Variants in ELOVL7 observed in about 807,000 individuals in gnomAD.
The protein encoded by ELOVL7 is very long chain fatty acid elongase 7.
ELOVL7 carries 27 observed loss-of-function variants against 35.7 expected under a neutral mutation model. The ratio of observed to expected loss-of-function variants is 0.76; its 90% CI spans 0.56 to 1.04. ELOVL7 has a LOEUF of 1.04. ELOVL7 is among the 50% of genes least tolerant of loss of function. The pLI, the probability that ELOVL7 is intolerant of heterozygous loss-of-function variation, is 0.00. For synonymous variants in ELOVL7, 113 were observed against 114.6 expected, an observed-to-expected ratio of 0.99 and a Z score of 0.09; for missense variants, 327 against 340.8, an observed-to-expected ratio of 0.96 and a Z score of 0.32.
intron 2 of ELOVL7, among the ~76,000 whole-genome samples, chr5:60,795,853 G>C (rs552547373): frequency 0.015 from 2,213 of 151,952 alleles, 60 homozygotes; most frequent in African/African-American, 0.051. Flanking sequence ...TAAAAGAGCT[G>C]TAACACTCAC....
intron 7 of ELOVL7, among the ~76,000 whole-genome samples, chr5:60,760,086 C>T (rs141984768): frequency 0.17 from 25,178 of 152,060 alleles, 2,222 homozygotes; most frequent in South Asian, 0.3. Context: ...GTGAATAGTG[C>T]CGCAATAAAC....
At chr5:60,830,431 G>T (rs1746414857) in intron 1 of ELOVL7, among the ~76,000 whole-genome samples, 1 of 152,142 alleles carries the variant, frequency 6.6e-6, no homozygotes, top group African/African-American at 2.4e-5. Context: ...TGGGGAGGAT[G>T]TGGCAGCTGA....
chr5:60,817,719 T>C (rs62372071), intron 1 of ELOVL7, among the ~76,000 whole-genome samples: 1 of 71,672 alleles, frequency 1.4e-5, no homozygotes, highest in East Asian at 1.9e-3. Context: ...TATATACACA[T>C]ATGTATATAC....
chr5:60,792,561 A>G (rs1744002297), intron 2 of ELOVL7, among the ~76,000 whole-genome samples: 1 of 152,136 alleles, frequency 6.6e-6, no homozygotes, highest in Admixed American at 6.5e-5. Context: ...TTGCTAGACA[A>G]TGGGCACATA....
At chr5:60,773,849 G>A (rs551186223) in intron 3 of ELOVL7, among the ~76,000 whole-genome samples, 21 of 152,250 alleles carry the variant, frequency 1.4e-4, no homozygotes, top group Non-Finnish European at 2.1e-4. Context: ...CAAACAGGTT[G>A]CATTACTGCA....
chr5:60,754,401 A>G lies in ELOVL7; in HGVS notation c.*223T>C. 1 of 520,034 alleles carries G rather than the reference A, an allele frequency of 1.9e-6. No individual in the cohort carries two copies. 32.2% of individuals were successfully genotyped at this position (520,034 alleles called of 1,614,324 possible). On this transcript the variant is annotated 3_prime_UTR_variant, in exon 9 of 9. Transcript: ENST00000508821. The stretch of plus-strand genomic sequence containing the variant: ...TAGGTTTAAAAGCAGCTAAAAAAAC[A>G]AAAACAAAAACAAAAACAAATTCTG...
At chr5:60,759,040 T>C (rs1221382271) in intron 7 of ELOVL7, among the ~76,000 whole-genome samples, 18 of 152,170 alleles carry the variant, frequency 1.2e-4, no homozygotes, top group Admixed American at 1.2e-3. Flanking sequence ...TGTTACACAG[T>C]AGAAATTGCT....
chr5:60,790,137 C>G (rs1018042365), intron 2 of ELOVL7, among the ~76,000 whole-genome samples: 6 of 150,056 alleles, frequency 4.0e-5, no homozygotes, highest in African/African-American at 1.5e-4. Flanking sequence ...GACACTACCT[C>G]AAAAAGAAAA....
chr5:60,772,790 C>T (rs1485944641), intron 3 of ELOVL7, among the ~76,000 whole-genome samples: 1 of 152,126 alleles, frequency 6.6e-6, no homozygotes, highest in Non-Finnish European at 1.5e-5. Context: ...CAGCAACATC[C>T]CACCATGTGT....
At chr5:60,781,539 C>T (rs567435821) in intron 3 of ELOVL7, among the ~76,000 whole-genome samples, 26 of 152,264 alleles carry the variant, frequency 1.7e-4, no homozygotes, top group Admixed American at 5.2e-4. Flanking sequence ...GCATGCTGGG[C>T]TGGCTCAGGA....
chr5:60,794,267 T>C (rs916966445), intron 2 of ELOVL7, among the ~76,000 whole-genome samples: 2 of 152,240 alleles, frequency 1.3e-5, no homozygotes, highest in Non-Finnish European at 2.9e-5. Flanking sequence ...ACATGAGAAA[T>C]GCGCCTTCTT....
At chr5:60,802,868 T>C (rs376935179) in intron 1 of ELOVL7, among the ~76,000 whole-genome samples, 52 of 152,302 alleles carry the variant, frequency 3.4e-4, no homozygotes, top group African/African-American at 1.1e-3. Context: ...TCATAATGGC[T>C]TAACCAGTAA....
Position 60,839,021 on chromosome 5 carries a change from CA to C in ELOVL7, c.-86+5138del, listed in dbSNP as rs34113793. ...CCAGGCGACAAGAACAAAACAGTGTCAAAAAAAAATATATATATATATATAT... is the reference window on the plus strand; with the variant it reads ...CCAGGCGACAAGAACAAAACAGTGTCAAAAAAAATATATATATATATATAT... On this transcript the variant is annotated intron_variant, in intron 1 of 8. Transcript: ENST00000508821. 5.8e-4 allele frequency among the ~76,000 whole-genome samples: 85 copies of C among 146,324 alleles called. 1 individual carries two copies. In the South Asian group the frequency reaches 0.017, roughly 29 times the overall value.
chr5:60,804,090 C>A (rs1744794282), intron 1 of ELOVL7, among the ~76,000 whole-genome samples: 1 of 152,184 alleles, frequency 6.6e-6, no homozygotes, highest in Admixed American at 6.5e-5. Context: ...TGTTCACTCA[C>A]CAACCTCAAC....
At chr5:60,802,117 TAC>T (rs34511373) in intron 1 of ELOVL7, among the ~76,000 whole-genome samples, 145 of 12,082 alleles carry the variant, frequency 0.012, 12 homozygotes, top group East Asian at 0.041. Context: ...TATATATATA[TAC>T]ACACACACAC....
intron 3 of ELOVL7, among the ~76,000 whole-genome samples, chr5:60,779,626 A>G (rs1160951625): frequency 3.9e-5 from 6 of 152,140 alleles, no homozygotes; most frequent in Non-Finnish European, 8.8e-5. Flanking sequence ...CCCAGCCCCA[A>G]AAACCATGTT....
Position 60,757,634 on chromosome 5 carries a change from T to A in ELOVL7, c.511A>T (p.Thr171Ser). ...GCTGTATTTAGAAGGGCATGGAATG[T>A]TCCCAAACCACCTGGAAAATAAAAT... ...GVKFAAGGLG[T>S]FHALLNTAVH... Residue 171 changes from threonine to serine, a missense_variant, in exon 8 of 9, where the codon ACA (threonine) becomes TCA (serine). Thr to Ser is a moderately conservative substitution (Grantham distance 58). Transcript: ENST00000508821. 1.3e-6 allele frequency: 2 copies of A among 1,555,660 alleles called. No homozygotes were observed. The highest frequency in any genetic ancestry group is 1.7e-6 in the Non-Finnish European group (2 of 1,143,536).
chr5:60,775,893 C>T (rs1399316987), intron 3 of ELOVL7, among the ~76,000 whole-genome samples: 1 of 152,080 alleles, frequency 6.6e-6, no homozygotes. Context: ...AAAACCTAAC[C>T]TAGGAAACAC....
chr5:60,793,743 C>G (rs1419608481), intron 2 of ELOVL7, among the ~76,000 whole-genome samples: 1 of 152,102 alleles, frequency 6.6e-6, no homozygotes, highest in Non-Finnish European at 1.5e-5. Context: ...GAGGTGCCAG[C>G]TGCATACAAT....
Sources: gnomAD v4.1 joint callset for allele counts (sites outside exome capture counted in the v4.1 genomes callset) on GRCh38, gnomAD v4.1.1 for gene constraint, MANE v1.5 for transcripts, NCBI Gene and HGNC (gene_info 2026-07-23, HGNC 2026-07-21) for gene names.